The following BCL11A variants were observed in gnomAD, a reference collection of about 807,000 sequenced individuals.
BCL11A encodes BCL11 transcription factor A.
BCL11A carries 2 observed loss-of-function variants against 55.9 expected under a neutral mutation model. That is an observed-to-expected ratio of 0.04 (90% confidence interval 0.01 to 0.11). The LOEUF is 0.11. BCL11A is among the 10% of genes least tolerant of loss of function. The pLI, the probability that BCL11A is intolerant of heterozygous loss-of-function variation, is 1.00. For missense variants in BCL11A, 817 were observed against 1,137.1 expected, an observed-to-expected ratio of 0.72 and a Z score of 4.05; for synonymous variants, 465 against 473.4, an observed-to-expected ratio of 0.98 and a Z score of 0.23.
intron 2 of BCL11A, among the ~76,000 whole-genome samples, chr2:60,531,192 A>G (rs1295470275): frequency 6.7e-6 from 1 of 150,304 alleles, no homozygotes; most frequent in African/African-American, 2.4e-5. Flanking sequence ...TGGCTACCCT[A>G]CTCCGGTCCA....
At chr2:60,553,166 G>A in intron 1 of BCL11A, 50 bp downstream of exon 1, 2 of 1,551,718 alleles carry the variant, frequency 1.3e-6, no homozygotes, top group East Asian at 2.4e-5. Flanking sequence ...CTAGTCCTGC[G>A]CGCTCTCGTG....
intron 2 of BCL11A, among the ~76,000 whole-genome samples, chr2:60,486,423 G>C (rs1417720566): frequency 6.6e-6 from 1 of 152,186 alleles, no homozygotes; most frequent in Non-Finnish European, 1.5e-5. Context: ...AAGTACTGAA[G>C]TGAGAAATTC....
intron 2 of BCL11A, among the ~76,000 whole-genome samples, chr2:60,524,045 G>A (rs1472585802): frequency 6.6e-6 from 1 of 152,160 alleles, no homozygotes; most frequent in Non-Finnish European, 1.5e-5. Flanking sequence ...AGAGACTCCG[G>A]ACCACAGGAA....
At chr2:60,506,373 G>A (rs965493983) in intron 2 of BCL11A, among the ~76,000 whole-genome samples, 1 of 152,352 alleles carries the variant, frequency 6.6e-6, no homozygotes, top group Non-Finnish European at 1.5e-5. Context: ...ATTCTGGTCT[G>A]TCAAACCCCT....
At chr2:60,481,462 C>T (rs6732518) in intron 2 of BCL11A, among the ~76,000 whole-genome samples, 94,676 of 151,744 alleles carry the variant, frequency 0.62, 31,062 homozygotes, top group Non-Finnish European at 0.68. Context: ...CAAGCACATA[C>T]ACATGCTCTC....
Position 60,553,540 on chromosome 2 carries a change from G to GGA in BCL11A, c.-272_-271dup, listed in dbSNP as rs367998842. On this transcript the variant is annotated 5_prime_UTR_variant, in exon 1 of 4. Transcript: ENST00000642384. ...GGAGAGAGAGAGAAGAGAGATAGAG[G>GGA]GAGAGAGAGAGAGAGAGATGAAAAA... 7.9e-4 allele frequency: 278 copies of GGA among 351,314 alleles called. No homozygotes were observed. The highest frequency in any genetic ancestry group is 4.7e-3 in the African/African-American group (171 of 36,672). The allele number at this position is 351,314 out of a possible 1,614,324, so 21.8% of individuals were successfully genotyped here.
At chr2:60,453,887 A>C (rs760031312), downstream of BCL11A, among the ~76,000 whole-genome samples, 36 of 152,180 alleles carry the variant, frequency 2.4e-4, no homozygotes, top group Non-Finnish European at 4.0e-4. Context: ...ACAGAAAGGA[A>C]AAACGTATTT....
At chr2:60,483,457 A>G (rs1161090051) in intron 2 of BCL11A, among the ~76,000 whole-genome samples, 1 of 152,240 alleles carries the variant, frequency 6.6e-6, no homozygotes, top group African/African-American at 2.4e-5. Flanking sequence ...GCAAGTCCCC[A>G]GGTATAGCTG....
chr2:60,497,782 G>T (rs1399721389), intron 2 of BCL11A, among the ~76,000 whole-genome samples: 3 of 152,066 alleles, frequency 2.0e-5, no homozygotes, highest in African/African-American at 7.2e-5. Flanking sequence ...TTCCCCCAAA[G>T]GACTCAGTGG....
intron 2 of BCL11A, among the ~76,000 whole-genome samples, chr2:60,497,698 T>C (rs1334907806): frequency 6.6e-6 from 1 of 152,180 alleles, no homozygotes; most frequent in East Asian, 1.9e-4. Flanking sequence ...TCCTTTACTT[T>C]TTTTGGAAGG....
intron 2 of BCL11A, among the ~76,000 whole-genome samples, chr2:60,492,375 A>G (rs1302036139): frequency 6.6e-6 from 1 of 152,114 alleles, no homozygotes; most frequent in Non-Finnish European, 1.5e-5. Flanking sequence ...TCAAAAACAA[A>G]CAAACAAACA....
intron 2 of BCL11A, among the ~76,000 whole-genome samples, chr2:60,497,854 T>C (rs188426060): frequency 2.0e-5 from 3 of 152,150 alleles, no homozygotes; most frequent in African/African-American, 4.8e-5. Flanking sequence ...AAAAGGATCC[T>C]GCACATTGTC....
chr2:60,539,362 C>A (rs1669816847), intron 2 of BCL11A, among the ~76,000 whole-genome samples: 1 of 152,202 alleles, frequency 6.6e-6, no homozygotes, highest in South Asian at 2.1e-4. Flanking sequence ...GACCTCACCA[C>A]CCCCCATGCC....
chr2:60,550,609 A>C (rs1408845800), intron 1 of BCL11A, among the ~76,000 whole-genome samples: 1 of 151,560 alleles, frequency 6.6e-6, no homozygotes, highest in African/African-American at 2.4e-5. Flanking sequence ...GCCCCCTCTG[A>C]GCACCCAGAA....
intron 2 of BCL11A, among the ~76,000 whole-genome samples, chr2:60,532,254 C>T (rs1669489121): frequency 1.3e-5 from 2 of 151,520 alleles, no homozygotes; most frequent in South Asian, 4.2e-4. Context: ...CAAAGACAGT[C>T]TATCTCACTG....
intron 2 of BCL11A, among the ~76,000 whole-genome samples, chr2:60,498,055 G>A (rs1679053618): frequency 6.6e-6 from 1 of 152,032 alleles, no homozygotes; most frequent in Non-Finnish European, 1.5e-5. Context: ...ACCCTCAAGA[G>A]CAGGGGTCTT....
At chr2:60,474,203 C>T (rs1677381944) in intron 2 of BCL11A, among the ~76,000 whole-genome samples, 2 of 152,172 alleles carry the variant, frequency 1.3e-5, no homozygotes, top group Admixed American at 6.5e-5. Context: ...GTAGAGATGA[C>T]ATTTTGCGTG....
chr2:60,452,562 G>C, downstream of BCL11A: 1 of 1,610,662 alleles, frequency 6.2e-7, no homozygotes, highest in Non-Finnish European at 8.5e-7. Context: ...ACCCCTGGGG[G>C]CTTCAAATTT....
intron 2 of BCL11A, among the ~76,000 whole-genome samples, chr2:60,473,187 C>T (rs983092281): frequency 6.0e-5 from 9 of 149,620 alleles, no homozygotes; most frequent in Non-Finnish European, 1.2e-4. Flanking sequence ...TGTCTGTGTA[C>T]GTGTGTGAAT....
Sources: allele counts gnomAD v4.1 joint callset (sites outside exome capture counted in the v4.1 genomes callset), GRCh38; gene constraint gnomAD v4.1.1; transcripts MANE v1.5; gene names NCBI Gene and HGNC (gene_info 2026-07-23, HGNC 2026-07-21).